SDK1: variants seen among roughly 807,000 people sequenced by gnomAD.
SDK1 encodes protein sidekick-1.
Under a neutral mutation model 245.5 loss-of-function variants are expected in SDK1, and 157 were observed. That is an observed-to-expected ratio of 0.64 (90% CI 0.56 to 0.73). The LOEUF (loss-of-function observed/expected upper bound fraction) is 0.73. Among genes scored for constraint, SDK1 ranks in the 30% least tolerant of loss-of-function variants. The probability of loss-of-function intolerance (pLI) is 0.00; values close to 1 mark genes in which losing one functional copy is unlikely to be tolerated. For missense variants in SDK1, 3,583 were observed against 3,002.3 expected, an observed-to-expected ratio of 1.19 and a Z score of -4.52; for synonymous variants, 1,647 against 1,278.5, an observed-to-expected ratio of 1.29 and a Z score of -6.15.
At chr7:4,087,427 T>C (rs940088229) in intron 22 of SDK1, among the ~76,000 whole-genome samples, 3 of 152,120 alleles carry the variant, frequency 2.0e-5, no homozygotes, top group Non-Finnish European at 4.4e-5. Flanking sequence ...CTTTAATATC[T>C]GGTGAGGCCT....
At chr7:4,091,334 C>CTTTTCTTTTTTTTTTTTTTTTTT (rs1259034611) in intron 22 of SDK1, among the ~76,000 whole-genome samples, 5 of 108,262 alleles carry the variant, frequency 4.6e-5, no homozygotes, top group African/African-American at 1.2e-4. Context: ...CTTTTCTTTT[C>CTTTTCTTTTTTTTTTTTTTTTTT]TTTTTTTTTT....
At chr7:3,582,683 T>TAAAAAAAAAAAAAAAAAAAAAAAAAAAAA (rs71029682) in intron 1 of SDK1, among the ~76,000 whole-genome samples, 4 of 69,684 alleles carry the variant, frequency 5.7e-5, no homozygotes, top group South Asian at 7.2e-4. Context: ...TAAACTAAAG[T>TAAAAAAAAAAAAAAAAAAAAAAAAAAAAA]AAAAAAAAAA....
intron 4 of SDK1, among the ~76,000 whole-genome samples, chr7:3,736,356 C>T (rs1037079816): frequency 3.3e-5 from 5 of 152,130 alleles, no homozygotes; most frequent in African/African-American, 9.7e-5. Flanking sequence ...TGCAGTGGCA[C>T]GTCTCGGCTC....
chr7:3,975,942 G>T (rs1296438195), intron 13 of SDK1, among the ~76,000 whole-genome samples: 15 of 140,078 alleles, frequency 1.1e-4, no homozygotes, highest in African/African-American at 3.2e-4. Context: ...AGGGTCCCGG[G>T]GCTGAGGCTG....
At chr7:4,085,863 A>G (rs1392864770) in intron 22 of SDK1, among the ~76,000 whole-genome samples, 5 of 152,166 alleles carry the variant, frequency 3.3e-5, no homozygotes, top group African/African-American at 1.2e-4. Context: ...CTCATTTTAC[A>G]TTTTAAAAAA....
chr7:3,612,932 C>G (rs937738551), intron 1 of SDK1, among the ~76,000 whole-genome samples: 2 of 151,044 alleles, frequency 1.3e-5, no homozygotes, highest in Non-Finnish European at 2.9e-5. Flanking sequence ...GTTTGTGGTA[C>G]AGTTGATTCT....
At chr7:3,724,154 A>C (rs1371418591) in intron 4 of SDK1, among the ~76,000 whole-genome samples, 2 of 152,122 alleles carry the variant, frequency 1.3e-5, no homozygotes, top group Admixed American at 1.3e-4. Context: ...TAGTAGAGAC[A>C]GGGTTTCATC....
intron 4 of SDK1, among the ~76,000 whole-genome samples, chr7:3,806,651 G>T (rs371103388): frequency 2.6e-5 from 4 of 152,240 alleles, no homozygotes; most frequent in African/African-American, 7.2e-5. Flanking sequence ...GTGGAGAAAT[G>T]TGACGAGGAC....
chr7:3,725,171 G>A (rs1413231464), intron 4 of SDK1, among the ~76,000 whole-genome samples: 1 of 152,122 alleles, frequency 6.6e-6, no homozygotes, highest in Admixed American at 6.5e-5. Flanking sequence ...GAATTGCTAG[G>A]GACTTTCTTG....
chr7:4,038,946 C>G (rs1788405400), intron 17 of SDK1, among the ~76,000 whole-genome samples: 1 of 152,152 alleles, frequency 6.6e-6, no homozygotes, highest in Non-Finnish European at 1.5e-5. Flanking sequence ...TTGGAAAATG[C>G]AAATCTGAAT....
chr7:4,109,078 G>A (rs73046420), intron 22 of SDK1, among the ~76,000 whole-genome samples: 5,106 of 152,230 alleles, frequency 0.034, 120 homozygotes, highest in Admixed American at 0.046. Flanking sequence ...AGTGCTGGGC[G>A]TTTGCCTTGT....
chr7:4,233,532 G>A, intron 41 of SDK1, 113 bp downstream of exon 41: 1 of 1,018,810 alleles, frequency 9.8e-7, no homozygotes, highest in Non-Finnish European at 1.4e-6. Context: ...GAGAAATGGG[G>A]TCGAGGGGGA....
chr7:4,175,127 C>T (rs558169709), intron 33 of SDK1, among the ~76,000 whole-genome samples: 22 of 152,352 alleles, frequency 1.4e-4, no homozygotes, highest in African/African-American at 4.1e-4. Flanking sequence ...ACCCAGTGCG[C>T]GGACGGCAGC....
intron 1 of SDK1, among the ~76,000 whole-genome samples, chr7:3,559,683 A>C (rs1159996087): frequency 6.6e-6 from 1 of 151,814 alleles, no homozygotes. Context: ...ATTTCTAAAT[A>C]GTTTTTAAAT....
At chr7:3,434,619 AT>A (rs1473762776) in intron 1 of SDK1, among the ~76,000 whole-genome samples, 1 of 152,138 alleles carries the variant, frequency 6.6e-6, no homozygotes, top group Non-Finnish European at 1.5e-5. Flanking sequence ...ACCTAAGGTC[AT>A]TTTGCCAGCT....
intron 5 of SDK1, among the ~76,000 whole-genome samples, chr7:3,875,149 T>C (rs1781045119): frequency 6.6e-6 from 1 of 152,216 alleles, no homozygotes; most frequent in African/African-American, 2.4e-5. Context: ...AAGCAAATGG[T>C]TGGGTCTGTT....
chr7:4,168,582 C>T (rs768415261), intron 32 of SDK1, among the ~76,000 whole-genome samples: 1 of 152,180 alleles, frequency 6.6e-6, no homozygotes, highest in South Asian at 2.1e-4. Flanking sequence ...ATCCAGCCTT[C>T]GTCACGCCAC....
chr7:3,602,742 G>A (rs2128639249), intron 1 of SDK1, among the ~76,000 whole-genome samples: 1 of 152,234 alleles, frequency 6.6e-6, no homozygotes, highest in African/African-American at 2.4e-5. Flanking sequence ...TAGACATGAA[G>A]TCCTTGCCTG....
At chr7:4,085,360 G>A (rs574393799) in intron 22 of SDK1, among the ~76,000 whole-genome samples, 1 of 152,250 alleles carries the variant, frequency 6.6e-6, no homozygotes, top group African/African-American at 2.4e-5. Flanking sequence ...TATACCTACA[G>A]TTTATATTCA....
Sources: allele counts gnomAD v4.1 joint callset (sites outside exome capture counted in the v4.1 genomes callset), GRCh38; gene constraint gnomAD v4.1.1; transcripts MANE v1.5; gene names NCBI Gene and HGNC (gene_info 2026-07-23, HGNC 2026-07-21).